The following ZNF469 variants were observed in gnomAD, a reference collection of about 807,000 sequenced individuals.
The protein encoded by ZNF469 is zinc finger protein 469.
A neutral mutation model predicts 1.0 loss-of-function variants in ZNF469; 1 was observed. The ratio of observed to expected loss-of-function variants is 1.00; its 90% confidence interval spans 0.35 to 4.73. The LOEUF (loss-of-function observed/expected upper bound fraction) is 4.73, where lower values mean the gene tolerates loss of function less well. Ranked by LOEUF, ZNF469 falls within the 30% of genes most tolerant of loss-of-function variation. The probability of loss-of-function intolerance (pLI) is 0.16; values close to 1 mark genes in which losing one functional copy is unlikely to be tolerated. For missense variants in ZNF469, 6,100 were observed against 5,356.3 expected, an observed-to-expected ratio of 1.14 and a Z score of -4.33; for synonymous variants, 2,703 against 2,363.4, an observed-to-expected ratio of 1.14 and a Z score of -4.17.
chr16:88,358,788 G>A, the ZNF469 span, among the ~76,000 whole-genome samples: 11 of 151,072 alleles, frequency 7.3e-5, no homozygotes, highest in African/African-American at 2.4e-4. Context: ...GTGTGATCTC[G>A]GCTCACTGCA....
chr16:88,395,830 G>A (rs1165247504), intron 1 of ZNF469, among the ~76,000 whole-genome samples: 1 of 152,196 alleles, frequency 6.6e-6, no homozygotes, highest in South Asian at 2.1e-4. Context: ...ATGTTGACAG[G>A]CATCAGGCCG....
the ZNF469 span, among the ~76,000 whole-genome samples, chr16:88,330,982 CCACCAT>C: frequency 1.3e-4 from 20 of 152,244 alleles, no homozygotes; most frequent in African/African-American, 3.1e-4. Context: ...ACCATCGCCA[CCACCAT>C]CACCATCACC....
the ZNF469 span, among the ~76,000 whole-genome samples, chr16:88,369,625 C>T: frequency 2.6e-5 from 4 of 152,242 alleles, no homozygotes; most frequent in African/African-American, 9.6e-5. Flanking sequence ...GAGTCAGGTT[C>T]ACAAAGTAGC....
chr16:88,382,164 T>C (rs879287184), upstream of ZNF469, among the ~76,000 whole-genome samples: 22 of 152,354 alleles, frequency 1.4e-4, 1 homozygote, highest in Admixed American at 1.4e-3. Flanking sequence ...GCTGCACCCC[T>C]GCCCTTGGAG....
chr16:88,123,043 C>G, the ZNF469 span, among the ~76,000 whole-genome samples: 2 of 152,040 alleles, frequency 1.3e-5, no homozygotes, highest in Admixed American at 1.3e-4. Flanking sequence ...TTGGCTATCA[C>G]TTTTATTTAT....
the ZNF469 span, among the ~76,000 whole-genome samples, chr16:88,190,102 G>A: frequency 6.6e-6 from 1 of 151,826 alleles, no homozygotes; most frequent in African/African-American, 2.4e-5. Context: ...CATACATGGG[G>A]CTGGGGGCTT....
At position 88,424,968 on chromosome 16, in the gene ZNF469, C is replaced by T. The variant is rs953768762; in HGVS notation, c.-127+97C>T. ...CCGCCCCCACCCGCCCGGCCTTCCTCTCCCTCTCAGGACAGTAACCGGGCC... is the reference window on the plus strand; with the variant it reads ...CCGCCCCCACCCGCCCGGCCTTCCTTTCCCTCTCAGGACAGTAACCGGGCC... On this transcript the variant is annotated intron_variant, in intron 2 of 2. Transcript: ENST00000565624. This position sits in a 1 kb window ranked among gnomAD's most constrained non-coding sequence, Gnocchi z 4.3. Among the ~76,000 whole-genome samples, 5 of 152,028 alleles carry T rather than the reference C, an allele frequency of 3.3e-5. No individual in the cohort carries two copies. The highest frequency in any genetic ancestry group is 1.2e-4 in the African/African-American group (5 of 41,426).
At chr16:88,397,014 T>G (rs567531066) in intron 1 of ZNF469, among the ~76,000 whole-genome samples, 47 of 151,322 alleles carry the variant, frequency 3.1e-4, no homozygotes, top group Non-Finnish European at 6.5e-4. Context: ...GAGACCCTCC[T>G]GAAGGGAGGC....
chr16:88,264,900 AC>A, the ZNF469 span, among the ~76,000 whole-genome samples: 3 of 152,024 alleles, frequency 2.0e-5, no homozygotes, highest in African/African-American at 7.3e-5. Flanking sequence ...CCTGAGGGTG[AC>A]CGTGGCCTCT....
At chr16:88,127,835 A>G in the ZNF469 span, among the ~76,000 whole-genome samples, 1 of 152,220 alleles carries the variant, frequency 6.6e-6, no homozygotes, top group Admixed American at 6.5e-5. Flanking sequence ...ACCTACTCCA[A>G]ATTTCCAGAG....
At chr16:88,179,650 T>C in the ZNF469 span, among the ~76,000 whole-genome samples, 1 of 152,214 alleles carries the variant, frequency 6.6e-6, no homozygotes, top group Non-Finnish European at 1.5e-5. Flanking sequence ...AGTCTGCCTT[T>C]TACCAGGAAC....
Position 88,431,541 on chromosome 16 carries a change from T to C in ZNF469, c.4071T>C (p.Ala1357=). 1 of 1,550,434 alleles carries C rather than the reference T, an allele frequency of 6.4e-7. No homozygotes were observed. The highest frequency in any genetic ancestry group is 8.7e-7 in the Non-Finnish European group (1 of 1,146,992). Residue 1357 remains alanine, a synonymous_variant, in exon 3 of 3, where the codon GCT becomes GCC. Coordinates refer to ENST00000565624, the MANE Select transcript of ZNF469 (RefSeq NM_001367624.2). The stretch of plus-strand genomic sequence containing the variant: ...TCTCCAGTTTTGGCTGTGACCCTGC[T>C]GGTTTTAACAGAGACCCCTTGGGGG... ...SKISSFGCDP[A]GFNRDPLGVP... is the part of the protein sequence containing the mutation.
At chr16:88,354,341 G>A in the ZNF469 span, among the ~76,000 whole-genome samples, 2 of 152,182 alleles carry the variant, frequency 1.3e-5, no homozygotes, top group African/African-American at 4.8e-5. Context: ...GAGGGCTTCT[G>A]GCAGCCAGGT....
At chr16:88,256,951 T>C in the ZNF469 span, among the ~76,000 whole-genome samples, 1 of 16,670 alleles carries the variant, frequency 6.0e-5, no homozygotes, top group African/African-American at 1.5e-4. Flanking sequence ...TCTTTCTTTC[T>C]TTTCTTTTCT....
chr16:88,392,319 G>A (rs1310552342), intron 1 of ZNF469, among the ~76,000 whole-genome samples: 1 of 152,260 alleles, frequency 6.6e-6, no homozygotes, highest in Non-Finnish European at 1.5e-5. Flanking sequence ...CTGCACCCAG[G>A]GTCTCTGAGT....
chr16:88,208,534 G>GAT, the ZNF469 span, among the ~76,000 whole-genome samples: 22 of 80,522 alleles, frequency 2.7e-4, no homozygotes, highest in East Asian at 9.4e-4. Context: ...GAGAGAGAGA[G>GAT]GGAAGAAGGA....
chr16:88,250,248 C>T, the ZNF469 span, among the ~76,000 whole-genome samples: 2 of 152,258 alleles, frequency 1.3e-5, no homozygotes. Flanking sequence ...GCCATTTTCA[C>T]CTCTATCACC....
chr16:88,340,761 T>G, the ZNF469 span, among the ~76,000 whole-genome samples: 11 of 112,856 alleles, frequency 9.7e-5, no homozygotes, highest in African/African-American at 3.4e-4. Context: ...GGAGGGTGGG[T>G]CAGAGGGGAG....
At chr16:88,319,416 AG>A in the ZNF469 span, among the ~76,000 whole-genome samples, 1 of 151,998 alleles carries the variant, frequency 6.6e-6, no homozygotes, top group African/African-American at 2.4e-5. Context: ...CCCCGGGAGG[AG>A]GGGGCTGCTC....
Sources: gnomAD v4.1 joint callset for allele counts (sites outside exome capture counted in the v4.1 genomes callset) on GRCh38, gnomAD v4.1.1 for gene constraint, Gnocchi (gnomAD v3.1) non-coding constraint, MANE v1.5 for transcripts, NCBI Gene and HGNC (gene_info 2026-07-23, HGNC 2026-07-21) for gene names.